The following NCAPG2 variants were observed in gnomAD, a reference collection of about 807,000 sequenced individuals.
NCAPG2 encodes the protein condensin-2 complex subunit G2.
A neutral mutation model predicts 141.1 loss-of-function variants in NCAPG2; 53 were observed. The observed-to-expected ratio is 0.38, with a 90% CI of 0.30 to 0.47. The LOEUF (loss-of-function observed/expected upper bound fraction) is 0.47. NCAPG2 is among the 20% of genes least tolerant of loss of function. NCAPG2 has a pLI of 0.99. For missense variants in NCAPG2, 1,087 were observed against 1,389.0 expected (o/e 0.78, Z 3.46); for synonymous variants, 499 against 490.7 (o/e 1.02, Z -0.22).
At chr7:158,649,442 C>G (rs1587097318) in intron 24 of NCAPG2, among the ~76,000 whole-genome samples, 1 of 152,098 alleles carries the variant, frequency 6.6e-6, no homozygotes, top group African/African-American at 2.4e-5. Flanking sequence ...AAAAACACGG[C>G]AAATGGGCAC....
intron 13 of NCAPG2, chr7:158,667,106 G>C: frequency 1.0e-6 from 1 of 979,382 alleles, no homozygotes; most frequent in Non-Finnish European, 1.2e-6. Context: ...TAACTTTCAA[G>C]GGAAATTAGC....
Position 158,650,874 on chromosome 7 carries a change from C to T in NCAPG2, c.3033G>A (p.Leu1011=). Residue 1011 remains leucine (L), a synonymous_variant, in exon 24 of 28, where the codon CTG becomes CTA. Coordinates refer to ENST00000356309, the MANE Select transcript of NCAPG2 (RefSeq NM_017760.7). ...TTATCTCAACCACAGGCCCAGCGAT[C>T]AGAGTAGAAAGTACACCCCGGTGCA... is the stretch of plus-strand genomic sequence containing the variant. ...TPVHRGVLST[L]IAGPVVEISH... The T allele has an allele frequency of 1.2e-6, 2 of 1,613,788 alleles. No homozygotes were observed. Among genetic ancestry groups the T allele is most frequent in the Non-Finnish European group, 1.7e-6 (2 of 1,179,938 alleles).
intron 27 of NCAPG2, among the ~76,000 whole-genome samples, chr7:158,643,782 T>C (rs1830806175): frequency 6.6e-6 from 1 of 152,178 alleles, no homozygotes; most frequent in African/African-American, 2.4e-5. Flanking sequence ...ATGCAGAGCA[T>C]ACCAAACAGC....
intron 21 of NCAPG2, 166 bp from the exon 22 acceptor site, chr7:158,654,860 T>G: frequency 7.6e-7 from 1 of 1,317,660 alleles, no homozygotes; most frequent in Non-Finnish European, 9.9e-7. Flanking sequence ...TTCTTGTTTT[T>G]GTAAGAAATC....
chr7:158,641,522 GC>G, intron 27 of NCAPG2: 1 of 672,430 alleles, frequency 1.5e-6, no homozygotes, highest in Non-Finnish European at 2.7e-6. Context: ...AGGAGTTAGA[GC>G]CCAGCCTGGG....
rs369200581 is a variant in NCAPG2 at position 158,664,800 on chromosome 7, C to T, written c.1480-50G>A. On this transcript the variant is annotated intron_variant, in intron 13 of 27. Transcript: ENST00000356309. ...AGGAAATAATCAATTGTGCCTGTAA[C>T]CCTGGAAACAGCTTAAGAAAAATTT... 3.3e-5 allele frequency: 48 copies of T among 1,474,978 alleles called. No individual in the cohort carries two copies. In the African/African-American group the frequency reaches 6.5e-4, roughly 20 times the overall value. The allele number at this position is 1,474,978 out of a possible 1,614,324, so 91.4% of individuals were successfully genotyped here. A position where few individuals can be genotyped will look rare whatever the true frequency, so the allele number is the denominator to read the frequency against.
intron 23 of NCAPG2, 64 bp downstream of exon 23, chr7:158,652,229 G>A: frequency 6.8e-7 from 1 of 1,470,468 alleles, no homozygotes; most frequent in Non-Finnish European, 9.4e-7. Context: ...TGATGCATCT[G>A]TGTAGGTGTA....
chr7:158,673,089 T>G (rs983359751), intron 12 of NCAPG2, among the ~76,000 whole-genome samples: 5 of 152,070 alleles, frequency 3.3e-5, no homozygotes, highest in African/African-American at 1.2e-4. Context: ...CCACTTTGGA[T>G]GACAGCAACA....
chr7:158,665,741 A>G (rs1226823829), intron 13 of NCAPG2, among the ~76,000 whole-genome samples: 1 of 151,986 alleles, frequency 6.6e-6, no homozygotes, highest in African/African-American at 2.4e-5. Context: ...CTCACCTCCC[A>G]ACCCCATTGA....
At chr7:158,667,372 GCCCC>G (rs1191912558) in intron 13 of NCAPG2, 3 of 83,056 alleles carry the variant, frequency 3.6e-5, no homozygotes, top group Admixed American at 2.4e-3. Flanking sequence ...GGATCCCTCC[GCCCC>G]CCCTTACCCA....
intron 13 of NCAPG2, among the ~76,000 whole-genome samples, chr7:158,666,387 A>G (rs576185531): frequency 6.6e-6 from 1 of 152,196 alleles, no homozygotes; most frequent in South Asian, 2.1e-4. Context: ...GCTGTTGGCA[A>G]CCAACCTGTC....
chr7:158,666,183 G>A (rs917282576), intron 13 of NCAPG2, among the ~76,000 whole-genome samples: 3 of 152,150 alleles, frequency 2.0e-5, no homozygotes, highest in Admixed American at 2.0e-4. Flanking sequence ...CGGTTTAAGA[G>A]GACAAGAAAG....
rs774672790 is a variant in NCAPG2, at chr7:158,680,090, A to C, written c.1021-5T>G. 2 of 1,612,994 alleles carry C rather than the reference A, an allele frequency of 1.2e-6. No individual in the cohort carries two copies. Among genetic ancestry groups the C allele is most frequent in the African/African-American group, 2.7e-5 (2 of 74,868 alleles). On this transcript the variant is annotated splice_region_variant and splice_polypyrimidine_tract_variant and intron_variant, in intron 10 of 27. Coordinates refer to ENST00000356309, the MANE Select transcript of NCAPG2 (RefSeq NM_017760.7). Reference sequence around the variant, plus strand: ...TCGAACTTCAGAGTTTCTGGCCTATAATAATAAAAGAAGAGTATCTCAGAA... The same window carrying C: ...TCGAACTTCAGAGTTTCTGGCCTATCATAATAAAAGAAGAGTATCTCAGAA...
At chr7:158,667,411 A>C (rs1256637884) in intron 13 of NCAPG2, among the ~76,000 whole-genome samples, 2 of 27,498 alleles carry the variant, frequency 7.3e-5, no homozygotes, top group Non-Finnish European at 1.8e-4. Flanking sequence ...CGCCCTCCTT[A>C]CCCACTACTG....
chr7:158,636,823 T>C lies in NCAPG2; in HGVS notation c.3381-5106A>G, dbSNP rs192668770. 4.7e-3 allele frequency among the ~76,000 whole-genome samples: 720 copies of C among 152,364 alleles called. 3 individuals are homozygous for C. The highest frequency in any genetic ancestry group is 0.017 in the African/African-American group (695 of 41,590). Reference sequence around the variant, plus strand: ...CATCTTGTTTAATATTTGTGCCTGATGGACCATTTACATCATTGCCACTTA... The same window carrying C: ...CATCTTGTTTAATATTTGTGCCTGACGGACCATTTACATCATTGCCACTTA... On this transcript the variant is annotated intron_variant, in intron 27 of 27. Coordinates refer to ENST00000356309, the MANE Select transcript of NCAPG2 (RefSeq NM_017760.7).
At chr7:158,698,068 T>C (rs1400011262) in intron 2 of NCAPG2, among the ~76,000 whole-genome samples, 2 of 152,182 alleles carry the variant, frequency 1.3e-5, no homozygotes, top group Non-Finnish European at 2.9e-5. Context: ...ATGAGACAAG[T>C]TGACCTATGT....
At chr7:158,693,008 C>A in intron 3 of NCAPG2, 52 bp from the exon 4 acceptor site, 1 of 1,212,270 alleles carries the variant, frequency 8.2e-7, no homozygotes, top group Non-Finnish European at 1.2e-6. Flanking sequence ...AACTTAAAAT[C>A]AGTTTTTAGC....
intron 11 of NCAPG2, among the ~76,000 whole-genome samples, chr7:158,676,375 C>T (rs1401362493): frequency 6.6e-6 from 1 of 152,182 alleles, no homozygotes; most frequent in African/African-American, 2.4e-5. Flanking sequence ...GGCAAGAGAG[C>T]TCGTGGTCCA....
chr7:158,664,835 C>A, intron 13 of NCAPG2, 85 bp from the exon 14 acceptor site: 3 of 1,135,208 alleles, frequency 2.6e-6, no homozygotes, highest in East Asian at 2.6e-5. Flanking sequence ...TCAAGCACAA[C>A]CAAAAAAGGA....
Sources: gnomAD v4.1 joint callset for allele counts (sites outside exome capture counted in the v4.1 genomes callset) on GRCh38, gnomAD v4.1.1 for gene constraint, MANE v1.5 for transcripts, NCBI Gene and HGNC (gene_info 2026-07-23, HGNC 2026-07-21) for gene names.